Variants in CSMD3 observed in about 807,000 individuals in gnomAD.
The protein encoded by CSMD3 is CUB and Sushi multiple domains 3.
In CSMD3, 177 loss-of-function variants were observed where a neutral mutation model predicts 435.2. The observed-to-expected ratio is 0.41, with a 90% CI of 0.36 to 0.46. CSMD3 has a LOEUF of 0.46. Among genes scored for constraint, CSMD3 ranks in the 20% least tolerant of loss-of-function variants. The pLI is 0.34. For synonymous variants in CSMD3, 1,656 were observed against 1,520.5 expected (o/e 1.09, Z -2.07); for missense variants, 4,265 against 4,504.6 (o/e 0.95, Z 1.52).
intron 5 of CSMD3, among the ~76,000 whole-genome samples, chr8:113,053,685 C>T (rs2088194826): frequency 1.3e-5 from 2 of 151,998 alleles, no homozygotes; most frequent in African/African-American, 2.4e-5. Flanking sequence ...TATGCACTGT[C>T]CTATAATGTG....
intron 2 of CSMD3, among the ~76,000 whole-genome samples, chr8:113,307,324 C>T (rs2093829374): frequency 6.6e-6 from 1 of 152,058 alleles, no homozygotes; most frequent in Non-Finnish European, 1.5e-5. Context: ...AAAATGTACA[C>T]CTTAATTCTT....
chr8:112,416,449 G>A (rs746691046), intron 32 of CSMD3, among the ~76,000 whole-genome samples: 14 of 152,142 alleles, frequency 9.2e-5, no homozygotes, highest in Non-Finnish European at 1.9e-4. Context: ...TTTCTGCACA[G>A]TAGCATGAGA....
intron 3 of CSMD3, among the ~76,000 whole-genome samples, chr8:113,238,170 A>C (rs1238886663): frequency 6.6e-6 from 1 of 151,526 alleles, no homozygotes; most frequent in East Asian, 1.9e-4. Flanking sequence ...ATTTGTTTTT[A>C]GTTCTGCATA....
intron 10 of CSMD3, among the ~76,000 whole-genome samples, chr8:112,896,088 G>A (rs1354926951): frequency 2.0e-5 from 3 of 151,456 alleles, no homozygotes; most frequent in Non-Finnish European, 4.4e-5. Context: ...CCCAGTGAAT[G>A]TGATGTGGTG....
At chr8:113,188,999 G>T (rs1457047939) in intron 3 of CSMD3, among the ~76,000 whole-genome samples, 1 of 151,774 alleles carries the variant, frequency 6.6e-6, no homozygotes, top group Non-Finnish European at 1.5e-5. Context: ...ATTTTCCTCA[G>T]AAAATATGTA....
Position 112,314,525 on chromosome 8 carries a change from C to T in CSMD3, c.7453G>A (p.Ala2485Thr), listed in dbSNP as rs774666809. Residue 2485 changes from alanine to threonine, a missense_variant, in exon 48 of 71, where the codon GCA (alanine) becomes ACA (threonine). By Grantham distance (58) the Ala-to-Thr change is moderately conservative. Coordinates refer to ENST00000297405, the MANE Select transcript of CSMD3 (RefSeq NM_198123.2). ...CCCTTTTCCACTGAAATGCTCCATG[C>T]ACACATTTGAAGATTTGGGTAACTG... Reference protein sequence around the residue: ...PDSYPNLQMCAWSISVEKGYN... With the variant: ...PDSYPNLQMCTWSISVEKGYN... The T allele has an allele frequency of 1.2e-6, 2 of 1,611,164 alleles. No homozygotes were observed. The highest frequency in any genetic ancestry group is 1.3e-5 in the African/African-American group (1 of 74,828).
intron 24 of CSMD3, among the ~76,000 whole-genome samples, chr8:112,567,911 A>G (rs1467207468): frequency 1.3e-5 from 2 of 152,144 alleles, no homozygotes; most frequent in Admixed American, 1.3e-4. Context: ...GGAAATTAAC[A>G]AGTAACTTGT....
intron 9 of CSMD3, among the ~76,000 whole-genome samples, chr8:112,939,901 T>C (rs1489629071): frequency 6.6e-6 from 1 of 151,984 alleles, no homozygotes; most frequent in African/African-American, 2.4e-5. Flanking sequence ...AGAGAGCTTA[T>C]AATAATTACA....
chr8:113,258,968 C>T (rs946959684), intron 3 of CSMD3, among the ~76,000 whole-genome samples: 13 of 151,986 alleles, frequency 8.6e-5, no homozygotes, highest in Non-Finnish European at 1.5e-4. Context: ...AAGAAAATCC[C>T]AATGTTTTTG....
In CSMD3 at chr8:112,986,801, A is replaced by T. The variant is rs540858742; in HGVS notation, c.1031-10653T>A. Among the ~76,000 whole-genome samples the T allele has an allele frequency of 3.9e-5, 6 of 152,220 alleles. No homozygotes were observed. In the East Asian group the frequency reaches 1.2e-3, roughly 29 times the overall value. On this transcript the variant is annotated intron_variant, in intron 6 of 70. Transcript: ENST00000297405. ...GGCAACAAAAACTGAATATTTACCC[A>T]ACCTCACAATATCGAGTAATACTTT...
chr8:112,275,730 C>T (rs1817980862), intron 59 of CSMD3, among the ~76,000 whole-genome samples: 1 of 152,218 alleles, frequency 6.6e-6, no homozygotes, highest in South Asian at 2.1e-4. Flanking sequence ...GACTTATTCA[C>T]TACATGAGAC....
intron 6 of CSMD3, among the ~76,000 whole-genome samples, chr8:113,002,110 A>G (rs141661178): frequency 1.3e-5 from 2 of 152,230 alleles, no homozygotes; most frequent in African/African-American, 4.8e-5. Flanking sequence ...ATTTGATAAC[A>G]TGAAAGCTGA....
chr8:113,191,966 C>G (rs920652004), intron 3 of CSMD3, among the ~76,000 whole-genome samples: 2 of 151,808 alleles, frequency 1.3e-5, no homozygotes, highest in East Asian at 3.9e-4. Flanking sequence ...GATGGTATCT[C>G]ATTGTGGTTT....
intron 13 of CSMD3, among the ~76,000 whole-genome samples, chr8:112,751,264 C>G (rs2077564148): frequency 6.6e-6 from 1 of 152,082 alleles, no homozygotes; most frequent in Non-Finnish European, 1.5e-5. Context: ...TTCCCAACAT[C>G]TAGCTCAGTC....
At chr8:113,302,284 T>C (rs1228955244) in intron 2 of CSMD3, among the ~76,000 whole-genome samples, 1 of 9,244 alleles carries the variant, frequency 1.1e-4, no homozygotes, top group Non-Finnish European at 1.4e-4. Context: ...ATAATTATAA[T>C]ATATAATATA....
chr8:112,329,176 A>G (rs1823796202), intron 45 of CSMD3, among the ~76,000 whole-genome samples: 1 of 152,246 alleles, frequency 6.6e-6, no homozygotes, highest in Admixed American at 6.5e-5. Flanking sequence ...TCTTCTCTAC[A>G]TTGTTGAGTT....
rs753898213 is a variant in CSMD3, at chr8:112,281,156, T to A, written c.9508+18A>T. On this transcript the variant is annotated intron_variant, in intron 59 of 70. Coordinates refer to ENST00000297405, the MANE Select transcript of CSMD3 (RefSeq NM_198123.2). The stretch of plus-strand genomic sequence containing the variant: ...TTTCATATAATTACTGATTTTTAAA[T>A]ATTGAGAATATACTTACTTGTACAG... The A allele has an allele frequency of 6.4e-7, 1 of 1,570,936 alleles. No individual in the cohort carries two copies. Among genetic ancestry groups the A allele is most frequent in the South Asian group, 1.1e-5 (1 of 90,078 alleles).
At chr8:112,228,020 C>A (rs1486157661) in intron 70 of CSMD3, among the ~76,000 whole-genome samples, 2 of 151,880 alleles carry the variant, frequency 1.3e-5, no homozygotes, top group Admixed American at 6.6e-5. Context: ...CCATCCTGAG[C>A]GACAGAGCAA....
intron 1 of CSMD3, among the ~76,000 whole-genome samples, chr8:113,340,317 G>A (rs2094109602): frequency 6.6e-6 from 1 of 151,968 alleles, no homozygotes; most frequent in African/African-American, 2.4e-5. Flanking sequence ...CACATCATCA[G>A]TTGATGTTTG....
Sources: gnomAD v4.1 joint callset for allele counts (sites outside exome capture counted in the v4.1 genomes callset) on GRCh38, gnomAD v4.1.1 for gene constraint, MANE v1.5 for transcripts, NCBI Gene and HGNC (gene_info 2026-07-23, HGNC 2026-07-21) for gene names.